RARB: variants seen among roughly 807,000 people sequenced by gnomAD.
The protein encoded by RARB is HBV-activated protein.
A neutral mutation model predicts 51.9 loss-of-function variants in RARB; 17 were observed. The ratio of observed to expected loss-of-function variants is 0.33; its 90% CI spans 0.22 to 0.49. The LOEUF is 0.49. RARB is among the 20% of genes least tolerant of loss of function. The pLI is 0.99. For missense variants in RARB, 369 were observed against 550.8 expected (o/e 0.67, Z 3.30); for synonymous variants, 215 against 195.4 (o/e 1.10, Z -0.84).
chr3:25,037,906 A>G (rs1013003525), intron 2 of RARB, among the ~76,000 whole-genome samples: 1 of 152,170 alleles, frequency 6.6e-6, no homozygotes, highest in South Asian at 2.1e-4. Context: ...AGGGAGAAAG[A>G]GAGAAAACCA....
chr3:25,292,028 G>T (rs1034686996), intron 5 of RARB, among the ~76,000 whole-genome samples: 1 of 150,868 alleles, frequency 6.6e-6, no homozygotes, highest in Non-Finnish European at 1.5e-5. Context: ...TGAGAAGGGG[G>T]TAGTGAGTCT....
chr3:25,231,942 G>A (rs755011500), intron 5 of RARB, among the ~76,000 whole-genome samples: 2 of 151,322 alleles, frequency 1.3e-5, no homozygotes, highest in Non-Finnish European at 2.9e-5. Flanking sequence ...TTTTCTTTCG[G>A]TATCGTGTCT....
intron 1 of RARB, among the ~76,000 whole-genome samples, chr3:25,447,709 C>T (rs1709009503): frequency 6.6e-6 from 1 of 152,100 alleles, no homozygotes; most frequent in Non-Finnish European, 1.5e-5. Context: ...GCCAGGAAAT[C>T]CTACGAGGAA....
At chr3:24,937,905 G>T (rs1311360800) in intron 2 of RARB, among the ~76,000 whole-genome samples, 1 of 152,040 alleles carries the variant, frequency 6.6e-6, no homozygotes, top group Non-Finnish European at 1.5e-5. Flanking sequence ...CTAGAAACAG[G>T]GTGTCTGTGT....
intron 3 of RARB, among the ~76,000 whole-genome samples, chr3:25,091,186 AGATCT>A (rs969194058): frequency 2.0e-5 from 3 of 152,176 alleles, no homozygotes; most frequent in African/African-American, 7.2e-5. Context: ...TGCAATAAAG[AGATCT>A]GTACAAGTGA....
At chr3:25,144,819 C>G (rs941477294) in intron 4 of RARB, among the ~76,000 whole-genome samples, 1 of 152,174 alleles carries the variant, frequency 6.6e-6, no homozygotes, top group African/African-American at 2.4e-5. Flanking sequence ...GCTATATGGA[C>G]TAATGAACAA....
chr3:25,342,366 A>G (rs142620005), intron 5 of RARB, among the ~76,000 whole-genome samples: 1 of 152,348 alleles, frequency 6.6e-6, no homozygotes, highest in African/African-American at 2.4e-5. Context: ...CTTTCAAAAA[A>G]TCTCTGGGAG....
intron 5 of RARB, among the ~76,000 whole-genome samples, chr3:25,361,909 A>G (rs1705949788): frequency 6.6e-6 from 1 of 152,160 alleles, no homozygotes; most frequent in Admixed American, 6.5e-5. Flanking sequence ...TGTTTGAGGT[A>G]TCTGTCGACC....
chr3:25,484,482 G>A (rs1476990158), intron 2 of RARB, among the ~76,000 whole-genome samples: 12 of 152,010 alleles, frequency 7.9e-5, no homozygotes, highest in East Asian at 3.9e-4. Flanking sequence ...TTTTAGCCAG[G>A]GGTTGTCAAA....
intron 2 of RARB, among the ~76,000 whole-genome samples, chr3:24,922,694 C>G (rs1336515587): frequency 2.0e-5 from 3 of 151,842 alleles, no homozygotes; most frequent in African/African-American, 7.3e-5. Context: ...AGAGGTTGAT[C>G]AAGGGAAAGG....
chr3:25,024,529 G>T (rs779876892), intron 2 of RARB, among the ~76,000 whole-genome samples: 1 of 152,184 alleles, frequency 6.6e-6, no homozygotes, highest in South Asian at 2.1e-4. Flanking sequence ...CTTCTCTGCA[G>T]ATAAGAGACT....
chr3:25,546,557 C>T (rs957827759), intron 3 of RARB, among the ~76,000 whole-genome samples: 2 of 152,054 alleles, frequency 1.3e-5, no homozygotes. Flanking sequence ...GTCAGCAACT[C>T]GTTTCTGATA....
chr3:25,178,494 C>G (rs1245009964), intron 5 of RARB, among the ~76,000 whole-genome samples: 2 of 151,984 alleles, frequency 1.3e-5, no homozygotes, highest in South Asian at 2.1e-4. Flanking sequence ...GCTTACATAA[C>G]CAGTTAATGT....
intron 2 of RARB, among the ~76,000 whole-genome samples, chr3:25,051,064 ATGTGTATC>A (rs1221084024): frequency 3.3e-5 from 5 of 152,156 alleles, no homozygotes; most frequent in African/African-American, 4.8e-5. Flanking sequence ...GTAGAGAGAA[ATGTGTATC>A]TTTGATATGC....
At chr3:25,260,139 C>T (rs1252085825) in intron 5 of RARB, among the ~76,000 whole-genome samples, 1 of 152,162 alleles carries the variant, frequency 6.6e-6, no homozygotes, top group African/African-American at 2.4e-5. Context: ...AGATCAGCCT[C>T]TGATACCCGG....
chr3:25,017,160 T>G (rs1697527440), intron 2 of RARB, among the ~76,000 whole-genome samples: 1 of 152,080 alleles, frequency 6.6e-6, no homozygotes, highest in Non-Finnish European at 1.5e-5. Flanking sequence ...AAACGCAACT[T>G]TCCTTATCAA....
At chr3:25,256,982 C>A (rs1196489061) in intron 5 of RARB, among the ~76,000 whole-genome samples, 1 of 151,952 alleles carries the variant, frequency 6.6e-6, no homozygotes. Flanking sequence ...AAATATCATA[C>A]GATAAGGACT....
At position 25,531,476 on chromosome 3, in the gene RARB, C is replaced by T. The variant is rs1040962046; in HGVS notation, c.448+30153C>T. Among the ~76,000 whole-genome samples the T allele has an allele frequency of 5.3e-5, 8 of 151,906 alleles. No individual in the cohort carries two copies. The East Asian group carries it at 5.8e-4, about 11-fold the overall frequency. On this transcript the variant is annotated intron_variant, in intron 3 of 7. Transcript: ENST00000330688. ...ATATGTGTGTTTGTGTGTGTGCGTG[C>T]GTGTGTATATCTCAAATTATTAAAG...
intron 5 of RARB, among the ~76,000 whole-genome samples, chr3:25,342,401 A>G (rs10510564): frequency 0.039 from 5,922 of 152,320 alleles, 128 homozygotes; most frequent in Middle Eastern, 0.065. Flanking sequence ...ATCTTGTGGC[A>G]AAGAATCTTC....
Sources: gnomAD v4.1 joint callset for allele counts (sites outside exome capture counted in the v4.1 genomes callset) on GRCh38, gnomAD v4.1.1 for gene constraint, MANE v1.5 for transcripts, NCBI Gene and HGNC (gene_info 2026-07-23, HGNC 2026-07-21) for gene names.